The following RPS24 variants were observed in gnomAD, a reference collection of about 807,000 sequenced individuals.
RPS24 encodes ribosomal protein S24.
For missense variants in RPS24, 100 were observed against 162.5 expected, an observed-to-expected ratio of 0.62 and a Z score of 2.09; for synonymous variants, 72 against 55.6, an observed-to-expected ratio of 1.30 and a Z score of -1.31.
At chr10:78,036,644 G>A (rs1029878222) in intron 3 of RPS24, 1 of 156,958 alleles carries the variant, frequency 6.4e-6, no homozygotes, top group African/African-American at 2.4e-5. Flanking sequence ...TCATGTTAAA[G>A]GCCTTGCTGA....
At chr10:78,049,635 G>A (rs1369989394) in intron 4 of RPS24, among the ~76,000 whole-genome samples, 1 of 152,196 alleles carries the variant, frequency 6.6e-6, no homozygotes, top group Non-Finnish European at 1.5e-5. Context: ...GCTGGGACTG[G>A]GTGAGGCAAT....
At chr10:78,043,171 T>C (rs1848005008), downstream of RPS24, among the ~76,000 whole-genome samples, 1 of 151,928 alleles carries the variant, frequency 6.6e-6, no homozygotes, top group East Asian at 1.9e-4. Context: ...GCCCGGGTAA[T>C]TTTTTGTATT....
In RPS24 at chr10:78,037,243, G is replaced by T; in HGVS notation, c.329G>T (p.Arg110Leu). 1.9e-6 allele frequency: 3 copies of T among 1,608,288 alleles called. No individual in the cohort carries two copies. Among genetic ancestry groups the T allele is most frequent in the Non-Finnish European group, 2.5e-6 (3 of 1,177,370 alleles). Reference protein sequence around the residue: ...KKTSRKQRKERKNRMKKVRGT... With the variant: ...KKTSRKQRKELKNRMKKVRGT... The stretch of plus-strand genomic sequence containing the variant: ...ACCTCAAGAAAGCAACGAAAGGAAC[G>T]CAAGAACAGAATGAAGAAAGTCAGG... The change falls in exon 4 of 6, where the codon CGC (arginine) becomes CTC (leucine). Residue 110 changes from arginine to leucine, a missense_variant. Arg to Leu is a moderately radical substitution (Grantham distance 102). Transcript: ENST00000372360.
chr10:78,048,572 G>C (rs78306904), intron 4 of RPS24, among the ~76,000 whole-genome samples: 8,288 of 152,204 alleles, frequency 0.054, 711 homozygotes, highest in African/African-American at 0.18. Context: ...ATGATATTCA[G>C]AGAGTCTGGT....
At chr10:78,041,890 AAGTCACGAAGTGGGG>A (rs1362521811), downstream of RPS24, among the ~76,000 whole-genome samples, 1 of 152,228 alleles carries the variant, frequency 6.6e-6, no homozygotes, top group Non-Finnish European at 1.5e-5. Flanking sequence ...GTTGGCATCA[AAGTCACGAAGTGGGG>A]AGGCTTTTCT....
chr10:78,040,916 G>C (rs751167838), downstream of RPS24, among the ~76,000 whole-genome samples: 30 of 152,268 alleles, frequency 2.0e-4, no homozygotes, highest in Non-Finnish European at 4.0e-4. Flanking sequence ...GTCCGCGGTG[G>C]ACGCAGTGTA....
chr10:78,036,134 G>T (rs1847861140), intron 3 of RPS24: 1 of 258,868 alleles, frequency 3.9e-6, no homozygotes, highest in Non-Finnish European at 7.6e-6. Context: ...GTGAACTACA[G>T]CAGTGATCTG....
chr10:78,054,799 C>A (rs530358175), exon 5 of RPS24: 62 of 1,551,538 alleles, frequency 4.0e-5, no homozygotes, highest in Non-Finnish European at 4.9e-5. Context: ...AGAAACGGAG[C>A]CTTCATGTCG....
chr10:78,037,931 T>C, intron 4 of RPS24: 2 of 1,027,598 alleles, frequency 1.9e-6, no homozygotes, highest in Non-Finnish European at 2.6e-6. Context: ...TTTTTGCTTT[T>C]CCTCTCTACT....
chr10:78,044,373 G>T (rs887384125), downstream of RPS24, among the ~76,000 whole-genome samples: 5 of 152,202 alleles, frequency 3.3e-5, no homozygotes, highest in African/African-American at 1.2e-4. Flanking sequence ...GGTGGGAGCA[G>T]AGTGGGTAGG....
chr10:78,035,319 T>C (rs751486158), intron 1 of RPS24, 33 bp from the exon 2 acceptor site: 5 of 1,603,742 alleles, frequency 3.1e-6, no homozygotes, highest in Non-Finnish European at 8.5e-7. Flanking sequence ...AAAGTTGGAG[T>C]AGTTTTATTA....
At chr10:78,048,689 A>G (rs1349862941) in intron 4 of RPS24, among the ~76,000 whole-genome samples, 1 of 152,048 alleles carries the variant, frequency 6.6e-6, no homozygotes, top group Non-Finnish European at 1.5e-5. Context: ...AGCTTGGTCA[A>G]TATGGTGAAA....
At chr10:78,052,975 A>C (rs1490691845) in intron 4 of RPS24, among the ~76,000 whole-genome samples, 5 of 152,064 alleles carry the variant, frequency 3.3e-5, no homozygotes, top group African/African-American at 1.2e-4. Context: ...AATATGGTGA[A>C]ATCCCACCTC....
chr10:78,052,887 C>T (rs1297889787), intron 4 of RPS24, among the ~76,000 whole-genome samples: 1 of 152,184 alleles, frequency 6.6e-6, no homozygotes, highest in Non-Finnish European at 1.5e-5. Flanking sequence ...CGCAGTGGCT[C>T]ATGCCTATAA....
chr10:78,041,109 G>C (rs2131986001), downstream of RPS24, among the ~76,000 whole-genome samples: 1 of 152,224 alleles, frequency 6.6e-6, no homozygotes, highest in Non-Finnish European at 1.5e-5. Context: ...TAAAGTACTG[G>C]CATGAGCGAC....
intron 4 of RPS24, among the ~76,000 whole-genome samples, chr10:78,048,054 T>A (rs748809236): frequency 1.3e-5 from 2 of 152,166 alleles, no homozygotes; most frequent in Non-Finnish European, 2.9e-5. Flanking sequence ...CACTATAAAA[T>A]TCTGCCCTGG....
intron 4 of RPS24, among the ~76,000 whole-genome samples, chr10:78,052,831 T>A (rs1848112861): frequency 6.6e-6 from 1 of 152,026 alleles, no homozygotes; most frequent in African/African-American, 2.4e-5. Context: ...GGGGAAATGG[T>A]TTGGGCTGGA....
At chr10:78,035,478 A>G (rs374840801) in intron 2 of RPS24, 33 bp from the exon 3 acceptor site, 67 of 1,613,026 alleles carry the variant, frequency 4.2e-5, no homozygotes, top group Non-Finnish European at 5.4e-5. Context: ...GTATTTTATC[A>G]TACTGAATGC....
At chr10:78,044,057 AATT>A (rs1022007161), downstream of RPS24, among the ~76,000 whole-genome samples, 1 of 152,164 alleles carries the variant, frequency 6.6e-6, no homozygotes, top group East Asian at 1.9e-4. Flanking sequence ...ACTACAGTAT[AATT>A]ATTAATATCT....
Sources: gnomAD v4.1 joint callset for allele counts (sites outside exome capture counted in the v4.1 genomes callset) on GRCh38, gnomAD v4.1.1 for gene constraint, MANE v1.5 for transcripts, NCBI Gene and HGNC (gene_info 2026-07-23, HGNC 2026-07-21) for gene names.